Variants in ZNF521 observed in about 807,000 individuals in gnomAD.
ZNF521 encodes LYST-interacting protein 3.
In ZNF521, 14 loss-of-function variants were observed where a neutral mutation model predicts 105.5. The ratio of observed to expected loss-of-function variants is 0.13; its 90% confidence interval spans 0.09 to 0.21. The LOEUF is 0.21. Among genes scored for constraint, ZNF521 ranks in the 10% least tolerant of loss-of-function variants. ZNF521 has a pLI of 1.00. For missense variants in ZNF521, 1,233 were observed against 1,629.7 expected, an observed-to-expected ratio of 0.76 and a Z score of 4.19; for synonymous variants, 635 against 606.0, an observed-to-expected ratio of 1.05 and a Z score of -0.70.
chr18:25,203,829 G>A (rs977159890), intron 4 of ZNF521, among the ~76,000 whole-genome samples: 4 of 152,198 alleles, frequency 2.6e-5, no homozygotes, highest in Admixed American at 6.5e-5. Flanking sequence ...AGTATATGAA[G>A]TATATTTATT....
At chr18:25,321,951 G>T in intron 3 of ZNF521, 57 bp downstream of exon 3, 1 of 1,499,014 alleles carries the variant, frequency 6.7e-7, no homozygotes. Context: ...GGAACAAACT[G>T]AAAAAATCAG....
intron 4 of ZNF521, among the ~76,000 whole-genome samples, chr18:25,199,057 T>A (rs2035948511): frequency 6.6e-6 from 1 of 151,958 alleles, no homozygotes; most frequent in South Asian, 2.1e-4. Context: ...ACCAATATAG[T>A]ATCTTATCTA....
intron 7 of ZNF521, among the ~76,000 whole-genome samples, chr18:25,070,697 T>A (rs2033197523): frequency 6.6e-6 from 1 of 152,174 alleles, no homozygotes; most frequent in South Asian, 2.1e-4. Context: ...ACTGCCAACA[T>A]GCTAGTGGCA....
At chr18:25,344,171 A>C (rs1281429530) in intron 2 of ZNF521, among the ~76,000 whole-genome samples, 1 of 150,828 alleles carries the variant, frequency 6.6e-6, no homozygotes, top group Non-Finnish European at 1.5e-5. Context: ...TGCATGCTAA[A>C]AGCCCAAGGT....
At chr18:25,189,183 T>C (rs1280668365) in intron 5 of ZNF521, among the ~76,000 whole-genome samples, 1 of 152,214 alleles carries the variant, frequency 6.6e-6, no homozygotes, top group Non-Finnish European at 1.5e-5. Context: ...TTTGAGTTTC[T>C]TTTAAATTGT....
At chr18:25,083,931 ATT>A (rs56364504) in intron 7 of ZNF521, among the ~76,000 whole-genome samples, 7,728 of 56,182 alleles carry the variant, frequency 0.14, 240 homozygotes, top group Non-Finnish European at 0.18. Flanking sequence ...AACCTGGGTA[ATT>A]TTTTTTTTTT....
At chr18:25,342,367 G>A (rs962652112) in intron 2 of ZNF521, among the ~76,000 whole-genome samples, 37 of 151,750 alleles carry the variant, frequency 2.4e-4, no homozygotes, top group African/African-American at 8.7e-4. Flanking sequence ...GTAGATCAAT[G>A]TTTGTGAAGA....
chr18:25,262,785 G>A (rs1908998460), intron 3 of ZNF521, among the ~76,000 whole-genome samples: 1 of 152,182 alleles, frequency 6.6e-6, no homozygotes, highest in Admixed American at 6.5e-5. Context: ...TGTCATGTAG[G>A]GGATGTTTTA....
chr18:25,331,690 A>C (rs1913575377), intron 2 of ZNF521, among the ~76,000 whole-genome samples: 1 of 152,140 alleles, frequency 6.6e-6, no homozygotes, highest in Non-Finnish European at 1.5e-5. Context: ...TGAATTGGAC[A>C]CCTAAAGTTA....
At chr18:25,241,653 G>C (rs1037397920) in intron 3 of ZNF521, among the ~76,000 whole-genome samples, 5 of 151,964 alleles carry the variant, frequency 3.3e-5, no homozygotes, top group African/African-American at 1.2e-4. Context: ...TTAACAAAAC[G>C]TAAGTCAAGG....
chr18:25,077,599 C>T (rs772680316), intron 7 of ZNF521, among the ~76,000 whole-genome samples: 6 of 152,072 alleles, frequency 3.9e-5, no homozygotes, highest in Non-Finnish European at 8.8e-5. Flanking sequence ...AGGTGAACGT[C>T]CATGCGTTAT....
chr18:25,086,686 C>T, intron 7 of ZNF521, among the ~76,000 whole-genome samples: 1 of 152,028 alleles, frequency 6.6e-6, no homozygotes, highest in East Asian at 1.9e-4. Flanking sequence ...TGAGTATTCG[C>T]ATCAAGAGCA....
At chr18:25,092,161 T>TA in intron 5 of ZNF521, 80 bp from the exon 6 acceptor site, 1 of 1,503,190 alleles carries the variant, frequency 6.7e-7, no homozygotes, top group Non-Finnish European at 9.1e-7. Flanking sequence ...TTTAATTGCA[T>TA]ATATTAAACT....
At chr18:25,093,214 CCTGGGCACT>C (rs1259698353) in intron 5 of ZNF521, among the ~76,000 whole-genome samples, 1 of 152,150 alleles carries the variant, frequency 6.6e-6, no homozygotes, top group Non-Finnish European at 1.5e-5. Context: ...TAGATTCAAA[CCTGGGCACT>C]CTGGCCTCAG....
intron 5 of ZNF521, among the ~76,000 whole-genome samples, chr18:25,157,538 T>C (rs959798258): frequency 6.6e-6 from 1 of 152,214 alleles, no homozygotes; most frequent in Admixed American, 6.5e-5. Context: ...CAATTCAGTG[T>C]CCAGTGTAGA....
intron 3 of ZNF521, among the ~76,000 whole-genome samples, chr18:25,236,609 T>G (rs1441600214): frequency 6.6e-6 from 1 of 152,098 alleles, no homozygotes; most frequent in African/African-American, 2.4e-5. Context: ...TAAGAAAGAC[T>G]CTACAGTAGG....
At chr18:25,092,731 T>C (rs999146887) in intron 5 of ZNF521, among the ~76,000 whole-genome samples, 2 of 152,154 alleles carry the variant, frequency 1.3e-5, no homozygotes, top group African/African-American at 4.8e-5. Context: ...CAAAGCACTT[T>C]TGTGACCTCC....
At chr18:25,271,523 C>T (rs1291770813) in intron 3 of ZNF521, among the ~76,000 whole-genome samples, 1 of 152,132 alleles carries the variant, frequency 6.6e-6, no homozygotes, top group Non-Finnish European at 1.5e-5. Context: ...AACTATACTA[C>T]AAGGCTACAG....
intron 7 of ZNF521, among the ~76,000 whole-genome samples, chr18:25,084,706 C>A (rs1338876409): frequency 2.0e-5 from 3 of 152,096 alleles, no homozygotes; most frequent in Non-Finnish European, 4.4e-5. Context: ...CAGGAATTCC[C>A]TCAATCTTCA....
Sources: gnomAD v4.1 joint callset for allele counts (sites outside exome capture counted in the v4.1 genomes callset) on GRCh38, gnomAD v4.1.1 for gene constraint, MANE v1.5 for transcripts, NCBI Gene and HGNC (gene_info 2026-07-23, HGNC 2026-07-21) for gene names.